Variants in DNAI3 observed in about 807,000 individuals in gnomAD.
DNAI3 encodes WD repeat domain 63.
A neutral mutation model predicts 115.5 loss-of-function variants in DNAI3; 83 were observed. The ratio of observed to expected loss-of-function variants is 0.72; its 90% CI spans 0.60 to 0.86. DNAI3 has a LOEUF of 0.86. Among genes scored for constraint, DNAI3 ranks in the 40% least tolerant of loss-of-function variants. The probability of loss-of-function intolerance (pLI) is 0.00; values close to 1 mark genes in which losing one functional copy is unlikely to be tolerated. For missense variants in DNAI3, 1,004 were observed against 1,075.8 expected (o/e 0.93, Z 0.93); for synonymous variants, 320 against 347.0 (o/e 0.92, Z 0.86).
chr1:85,084,425 AG>A (rs1244573605), intron 5 of DNAI3, 120 bp from the exon 6 acceptor site: 2 of 720,354 alleles, frequency 2.8e-6, no homozygotes, highest in African/African-American at 1.9e-5. Flanking sequence ...GACAAAAAAA[AG>A]TAAAAAGGTG....
At chr1:85,112,004 A>G (rs1655674024) in intron 16 of DNAI3, among the ~76,000 whole-genome samples, 1 of 151,956 alleles carries the variant, frequency 6.6e-6, no homozygotes, top group Non-Finnish European at 1.5e-5. Context: ...TTCTGTCACT[A>G]TACATTAGTT....
At chr1:85,100,775 A>G (rs539049585) in intron 13 of DNAI3, among the ~76,000 whole-genome samples, 156 of 152,366 alleles carry the variant, frequency 1.0e-3, no homozygotes, top group Non-Finnish European at 1.8e-3. Flanking sequence ...CATATACACC[A>G]TGGAATACTA....
At chr1:85,124,689 C>A (rs1656083424) in intron 19 of DNAI3, among the ~76,000 whole-genome samples, 1 of 152,140 alleles carries the variant, frequency 6.6e-6, no homozygotes, top group Non-Finnish European at 1.5e-5. Context: ...CGCCACCAAG[C>A]CCAGCTTTTT....
intron 7 of DNAI3, among the ~76,000 whole-genome samples, chr1:85,089,825 T>TG (rs1342839362): frequency 6.6e-6 from 1 of 152,126 alleles, no homozygotes; most frequent in Non-Finnish European, 1.5e-5. Context: ...GAAGGGTGTG[T>TG]GGGAATTCCT....
intron 18 of DNAI3, among the ~76,000 whole-genome samples, chr1:85,122,762 A>T (rs1011461909): frequency 6.6e-6 from 1 of 152,196 alleles, no homozygotes; most frequent in Non-Finnish European, 1.5e-5. Flanking sequence ...ATATGATAAA[A>T]TTCAGAAAAC....
chr1:85,122,393 G>A (rs1297563844), intron 18 of DNAI3, among the ~76,000 whole-genome samples: 2 of 152,180 alleles, frequency 1.3e-5, no homozygotes, highest in African/African-American at 2.4e-5. Context: ...ATCCAGGCGG[G>A]AGAAGGAACT....
Position 85,098,585 on chromosome 1 carries a change from G to C in DNAI3, c.1406G>C (p.Cys469Ser), listed in dbSNP as rs778613480. 1 of 1,613,564 alleles carries C rather than the reference G, an allele frequency of 6.2e-7. No individual in the cohort carries two copies. The highest frequency in any genetic ancestry group is 1.1e-5 in the South Asian group (1 of 90,982). The change falls in exon 13 of 23, where the codon TGT (cysteine) becomes TCT (serine). Residue 469 changes from cysteine to serine, a missense_variant. Cys to Ser is a moderately radical substitution (Grantham distance 112, BLOSUM62 -1). Coordinates refer to ENST00000294664, the MANE Select transcript of DNAI3 (RefSeq NM_145172.5). ...AAAGAAGCAATGTATATCAGACACT[G>C]TGCAGTCTCTTCAATAGAAAATGGA... ...SNKEAMYIRH[C>S]AVSSIENGHK...
At position 85,096,330 on chromosome 1, in the gene DNAI3, C is replaced by T. The variant is rs114970319; in HGVS notation, c.1263+310C>T. On this transcript the variant is annotated intron_variant, in intron 11 of 22. Coordinates refer to ENST00000294664, the MANE Select transcript of DNAI3 (RefSeq NM_145172.5). ...AGAACAAAAGCTACAAGCATTACTA[C>T]CTCTTGGAAAAAAAGGCCTCTTCTG... 8.7e-3 allele frequency among the ~76,000 whole-genome samples: 1,318 copies of T among 151,886 alleles called. 21 individuals are homozygous for T. Among genetic ancestry groups the T allele is most frequent in the African/African-American group, 0.03 (1,242 of 41,450 alleles).
intron 16 of DNAI3, among the ~76,000 whole-genome samples, chr1:85,115,036 C>T (rs1164770125): frequency 6.6e-6 from 1 of 152,306 alleles, no homozygotes; most frequent in East Asian, 1.9e-4. Flanking sequence ...TTCTTCTAAG[C>T]AATGTGGCAT....
chr1:85,133,094 A>C lies in DNAI3; in HGVS notation c.*96A>C. ...GCTGAACATATATATATATAGGCTC[A>C]TTTATAGACTTTTATTTCCCTGCTA... On this transcript the variant is annotated 3_prime_UTR_variant, in exon 23 of 23. Coordinates refer to ENST00000294664, the MANE Select transcript of DNAI3 (RefSeq NM_145172.5). 7.8e-7 allele frequency: 1 copy of C among 1,288,546 alleles called. No homozygotes were observed. The highest frequency in any genetic ancestry group is 1.0e-6 in the Non-Finnish European group (1 of 977,058). 79.8% of individuals were successfully genotyped at this position (1,288,546 alleles called of 1,614,324 possible).
intron 7 of DNAI3, among the ~76,000 whole-genome samples, chr1:85,087,698 G>A (rs995678980): frequency 6.6e-6 from 1 of 152,064 alleles, no homozygotes; most frequent in Non-Finnish European, 1.5e-5. Flanking sequence ...AAAGAATGGA[G>A]GAGGGAAAAC....
Position 85,108,173 on chromosome 1 carries a change from C to A in DNAI3, c.1694C>A (p.Thr565Asn). Reference sequence around the variant, plus strand: ...CTGGATCTCTCCTGGAAACCTCTCACTAAGGTAAGTAATGTGGGGTTTTTA... The same window carrying A: ...CTGGATCTCTCCTGGAAACCTCTCAATAAGGTAAGTAATGTGGGGTTTTTA... ...LHLDLSWKPLTKVRLSKGETS... is the reference protein window; with the variant it reads ...LHLDLSWKPLNKVRLSKGETS... The change falls in exon 15 of 23, where the codon ACT (threonine) becomes AAT (asparagine). Residue 565 changes from threonine (T) to asparagine (N), a missense_variant. Thr to Asn is a moderately conservative substitution (Grantham distance 65). Around this residue, in one of 3 missense-constraint regions of DNAI3, gnomAD observed 429 missense variants for 454.3 expected, o/e 0.94. Transcript: ENST00000294664. 6.3e-7 allele frequency: 1 copy of A among 1,592,382 alleles called. No homozygotes were observed. The highest frequency in any genetic ancestry group is 2.2e-5 in the East Asian group (1 of 44,514).
At chr1:85,117,533 A>C (rs987806656) in intron 16 of DNAI3, among the ~76,000 whole-genome samples, 196 bp from the exon 17 acceptor site, 1 of 152,208 alleles carries the variant, frequency 6.6e-6, no homozygotes. Context: ...TAGCACAGTC[A>C]TTGATGTTTG....
chr1:85,113,489 C>A (rs562042321), intron 16 of DNAI3, among the ~76,000 whole-genome samples: 2 of 152,312 alleles, frequency 1.3e-5, no homozygotes, highest in South Asian at 2.1e-4. Flanking sequence ...AACTGCTTTG[C>A]ACCTTTGTCA....
intron 20 of DNAI3, among the ~76,000 whole-genome samples, chr1:85,127,994 A>G (rs142158921): frequency 6.6e-6 from 1 of 151,912 alleles, no homozygotes; most frequent in Non-Finnish European, 1.5e-5. Context: ...GCATGGTGCT[A>G]TGTGCCTGTA....
chr1:85,098,996 G>C (rs1351864280), intron 13 of DNAI3, among the ~76,000 whole-genome samples: 2 of 152,212 alleles, frequency 1.3e-5, no homozygotes, highest in East Asian at 3.9e-4. Context: ...TATGATCTCA[G>C]ATATCTGGGG....
At chr1:85,080,519 G>C (rs1186634523) in intron 3 of DNAI3, among the ~76,000 whole-genome samples, 1 of 152,158 alleles carries the variant, frequency 6.6e-6, no homozygotes, top group African/African-American at 2.4e-5. Context: ...GGTGGGCAGG[G>C]CTGCAGGACC....
Position 85,073,321 on chromosome 1 carries a change from A to G in DNAI3, c.103+229A>G, listed in dbSNP as rs60780302. Among the ~76,000 whole-genome samples the G allele has an allele frequency of 1.9e-3, 284 of 152,352 alleles. 9 individuals are homozygous for G. The East Asian group carries it at 0.051, about 27-fold the overall frequency. On this transcript the variant is annotated intron_variant, in intron 3 of 22. Transcript: ENST00000294664. ...CAACCAAGCAGTTAGTTAAAAATGC[A>G]TTATATGATTATTGAAAGGCCTTTT...
chr1:85,103,422 G>C (rs1050816981), intron 13 of DNAI3, among the ~76,000 whole-genome samples: 1 of 151,948 alleles, frequency 6.6e-6, no homozygotes. Flanking sequence ...CTTTTATTTG[G>C]CGTCTCATTT....
Sources: allele counts gnomAD v4.1 joint callset (sites outside exome capture counted in the v4.1 genomes callset), GRCh38; gene constraint gnomAD v4.1.1; regional missense constraint gnomAD v4.1.1; transcripts MANE v1.5; gene names NCBI Gene and HGNC (gene_info 2026-07-23, HGNC 2026-07-21).